Variants in ULK2 observed in about 807,000 individuals in gnomAD.
ULK2 encodes the protein serine/threonine-protein kinase ULK2.
Under a neutral mutation model 127.5 loss-of-function variants are expected in ULK2, and 76 were observed. That is an observed-to-expected ratio of 0.60 (90% CI 0.50 to 0.72). The LOEUF is 0.72. Ranked by LOEUF, ULK2 falls within the 30% of genes least tolerant of loss-of-function variation. The pLI, the probability that ULK2 is intolerant of heterozygous loss-of-function variation, is 0.00. For missense variants in ULK2, 1,144 were observed against 1,295.9 expected (o/e 0.88, Z 1.80); for synonymous variants, 452 against 461.9 (o/e 0.98, Z 0.28).
chr17:19,849,653 G>T (rs1307650066), intron 4 of ULK2, 89 bp downstream of exon 4: 39 of 953,046 alleles, frequency 4.1e-5, no homozygotes, highest in Non-Finnish European at 5.3e-5. Flanking sequence ...AATCAAAAAG[G>T]ATTTGAAATA....
chr17:19,814,439 T>TACACACATATATA (rs1491246393), intron 13 of ULK2, among the ~76,000 whole-genome samples: 5 of 9,990 alleles, frequency 5.0e-4, no homozygotes, highest in African/African-American at 1.1e-3. Flanking sequence ...TATATATATA[T>TACACACATATATA]TTTTTTTTTT....
chr17:19,807,262 C>T (rs1396853389), intron 14 of ULK2, among the ~76,000 whole-genome samples: 5 of 152,114 alleles, frequency 3.3e-5, no homozygotes, highest in Admixed American at 6.5e-5. Flanking sequence ...CAGAAAAGGG[C>T]CTAGTGTGGC....
At chr17:19,818,266 T>A (rs2041045219) in intron 12 of ULK2, among the ~76,000 whole-genome samples, 3 of 146,306 alleles carry the variant, frequency 2.1e-5, no homozygotes. Flanking sequence ...GAGCTTGCAG[T>A]GAGCCAAGAC....
chr17:19,799,533 T>C lies in ULK2; in HGVS notation c.1484A>G (p.His495Arg), dbSNP rs1329807572. Reference sequence around the variant, plus strand: ...ACTCCTGGAGTCATGGCCCTGAGGATGCCCACAGCAGCACTGACTGAATTG... The same window carrying C: ...ACTCCTGGAGTCATGGCCCTGAGGACGCCCACAGCAGCACTGACTGAATTG... ...PEQFSQCCCG[H>R]PQGHDSRSRN... The change falls in exon 17 of 27, where the codon CAT (histidine) becomes CGT (arginine). Residue 495 changes from histidine (H) to arginine (R), a missense_variant. Physicochemically the swap from His to Arg is conservative, Grantham distance 29 (BLOSUM62 0). Transcript: ENST00000395544. 5 of 1,583,372 alleles carry C rather than the reference T, an allele frequency of 3.2e-6. No homozygotes were observed. Among genetic ancestry groups the C allele is most frequent in the South Asian group, 1.2e-5 (1 of 85,730 alleles).
At chr17:19,779,075 A>C (rs2086864710) in intron 25 of ULK2, among the ~76,000 whole-genome samples, 1 of 152,188 alleles carries the variant, frequency 6.6e-6, no homozygotes, top group Non-Finnish European at 1.5e-5. Context: ...TTACAGCAAT[A>C]TGATATATAC....
chr17:19,786,161 TACTG>T, intron 20 of ULK2, 75 bp from the exon 21 acceptor site: 2 of 1,422,440 alleles, frequency 1.4e-6, no homozygotes, highest in South Asian at 1.4e-5. Flanking sequence ...TGCAGGGGGA[TACTG>T]ACTTTTATAT....
chr17:19,804,551 CTT>C, intron 15 of ULK2, 140 bp downstream of exon 15: 2 of 789,266 alleles, frequency 2.5e-6, no homozygotes, highest in South Asian at 3.8e-5. Context: ...AATTATAAAA[CTT>C]TATTATTCAA....
intron 20 of ULK2, among the ~76,000 whole-genome samples, chr17:19,793,849 A>C (rs577425095): frequency 6.6e-6 from 1 of 152,370 alleles, no homozygotes; most frequent in Admixed American, 6.5e-5. Context: ...GTTTGAAAAG[A>C]GAGAGCAAAT....
intron 3 of ULK2, among the ~76,000 whole-genome samples, chr17:19,858,243 T>G (rs894434437): frequency 4.6e-5 from 7 of 151,584 alleles, no homozygotes; most frequent in Admixed American, 2.6e-4. Context: ...CTACAAAAAA[T>G]AGAAAAATTA....
In ULK2 at chr17:19,776,319, C is replaced by T; in HGVS notation, c.*30G>A. 1 of 1,580,126 alleles carries T rather than the reference C, an allele frequency of 6.3e-7. No individual in the cohort carries two copies. The highest frequency in any genetic ancestry group is 8.6e-7 in the Non-Finnish European group (1 of 1,164,740). On this transcript the variant is annotated 3_prime_UTR_variant, in exon 27 of 27. Transcript: ENST00000395544. ...TCCCAAAGGCATCACCTCACGTTCC[C>T]ACCACCGGTCCACGGGATGAGCCTG...
intron 3 of ULK2, among the ~76,000 whole-genome samples, chr17:19,864,353 T>C (rs1336310206): frequency 6.6e-6 from 1 of 151,860 alleles, no homozygotes; most frequent in Non-Finnish European, 1.5e-5. Flanking sequence ...TGCACACCTA[T>C]AGTCCTAGCT....
intron 3 of ULK2, among the ~76,000 whole-genome samples, chr17:19,853,823 G>A (rs1314681014): frequency 1.3e-5 from 2 of 151,518 alleles, no homozygotes; most frequent in African/African-American, 2.4e-5. Context: ...CCCCCGCCTC[G>A]GCCTCCCAAA....
intron 16 of ULK2, 22 bp from the exon 17 acceptor site, chr17:19,799,597 A>AG: frequency 6.7e-7 from 1 of 1,496,290 alleles, no homozygotes. Context: ...AAAAAAAAAA[A>AG]GATGGGGAAA....
At chr17:19,820,081 G>A (rs1285684093) in intron 12 of ULK2, among the ~76,000 whole-genome samples, 1 of 140,944 alleles carries the variant, frequency 7.1e-6, no homozygotes, top group Admixed American at 7.5e-5. Flanking sequence ...ATGGAGTCTC[G>A]CTCTATCACC....
chr17:19,859,299 A>G (rs993122101), intron 3 of ULK2, among the ~76,000 whole-genome samples: 22 of 152,208 alleles, frequency 1.4e-4, no homozygotes, highest in African/African-American at 5.3e-4. Flanking sequence ...GGGTCACCTG[A>G]GGTCAGAAGT....
At chr17:19,840,186 G>A in intron 9 of ULK2, 1 of 486,814 alleles carries the variant, frequency 2.1e-6, no homozygotes, top group Non-Finnish European at 4.2e-6. Flanking sequence ...CCTCAACCCA[G>A]CCGAATACAA....
In ULK2 at chr17:19,777,580, C is replaced by T; in HGVS notation, c.3052+1G>A. 1 of 1,595,020 alleles carries T rather than the reference C, an allele frequency of 6.3e-7. No homozygotes were observed. Among genetic ancestry groups the T allele is most frequent in the Non-Finnish European group, 8.5e-7 (1 of 1,174,448 alleles). On this transcript the variant is annotated splice_donor_variant, in intron 26 of 26. Transcript: ENST00000395544. LOFTEE classifies it high-confidence loss of function. ...ATACACTACTTTGTAAGTCAACTTA[C>T]ATTTATGCACATTTTCAATATCTGC...
At chr17:19,831,002 GGGTGACA>G (rs1192253199) in intron 10 of ULK2, among the ~76,000 whole-genome samples, 1 of 148,592 alleles carries the variant, frequency 6.7e-6, no homozygotes, top group Admixed American at 6.9e-5. Flanking sequence ...ACTCCAGCCT[GGGTGACA>G]GAGCAAGACT....
chr17:19,852,262 CTG>C (rs1164139756), intron 3 of ULK2, among the ~76,000 whole-genome samples: 6 of 151,824 alleles, frequency 4.0e-5, no homozygotes, highest in African/African-American at 1.5e-4. Context: ...TGGCTCACGC[CTG>C]TAATCCCAGC....
Sources: gnomAD v4.1 joint callset for allele counts (sites outside exome capture counted in the v4.1 genomes callset) on GRCh38, gnomAD v4.1.1 for gene constraint, MANE v1.5 for transcripts, NCBI Gene and HGNC (gene_info 2026-07-23, HGNC 2026-07-21) for gene names.